Variants in CAMTA1 observed in about 807,000 individuals in gnomAD.
The protein encoded by CAMTA1 is calmodulin-binding transcription activator 1.
A neutral mutation model predicts 170.9 loss-of-function variants in CAMTA1; 27 were observed. The observed-to-expected ratio is 0.16, with a 90% CI of 0.12 to 0.22. The LOEUF is 0.22. Ranked by LOEUF, CAMTA1 falls within the 10% of genes least tolerant of loss-of-function variation. The pLI, the probability that CAMTA1 is intolerant of heterozygous loss-of-function variation, is 1.00. For missense variants in CAMTA1, 1,619 were observed against 2,217.2 expected, an observed-to-expected ratio of 0.73 and a Z score of 5.42; for synonymous variants, 833 against 891.5, an observed-to-expected ratio of 0.93 and a Z score of 1.17.
At position 7,680,721 on chromosome 1, in the gene CAMTA1, A is replaced by G. The variant is rs1231838336; in HGVS notation, c.2914+2988A>G. On this transcript the variant is annotated intron_variant, in intron 11 of 22. Transcript: ENST00000303635. The surrounding 1 kb of genome is among the most constrained non-coding windows in gnomAD (Gnocchi z 4.4). ...GGATGCGCCCTTTGTCCCCTCTGCC[A>G]TGCGCGGGGGAAAATGTTTGAGGGC... Among the ~76,000 whole-genome samples the G allele has an allele frequency of 6.6e-6, 1 of 151,496 alleles. No individual in the cohort carries two copies. The highest frequency in any genetic ancestry group is 1.5e-5 in the Non-Finnish European group (1 of 67,790).
intron 5 of CAMTA1, among the ~76,000 whole-genome samples, chr1:7,331,840 C>T (rs185254404): frequency 6.6e-6 from 1 of 152,334 alleles, no homozygotes; most frequent in African/African-American, 2.4e-5. Flanking sequence ...GGGTAACTTA[C>T]ATGTCCCTCG....
At chr1:7,541,687 C>T (rs1340104232) in intron 6 of CAMTA1, among the ~76,000 whole-genome samples, 4 of 152,232 alleles carry the variant, frequency 2.6e-5, no homozygotes, top group South Asian at 2.1e-4. Flanking sequence ...GTTACACGGG[C>T]GCGTTCCCCC....
intron 4 of CAMTA1, among the ~76,000 whole-genome samples, chr1:7,156,417 G>C (rs1329031325): frequency 1.3e-5 from 2 of 152,158 alleles, no homozygotes; most frequent in Non-Finnish European, 2.9e-5. Flanking sequence ...TGGGATCAGA[G>C]AGACAGGCGA....
At chr1:7,420,893 G>A (rs190695827) in intron 5 of CAMTA1, among the ~76,000 whole-genome samples, 1 of 152,288 alleles carries the variant, frequency 6.6e-6, no homozygotes, top group Non-Finnish European at 1.5e-5. Flanking sequence ...CTGGACTTGA[G>A]CCTGAAGCAC....
At chr1:6,786,472 T>A (rs1639409887) in intron 1 of CAMTA1, among the ~76,000 whole-genome samples, 1 of 152,142 alleles carries the variant, frequency 6.6e-6, no homozygotes, top group African/African-American at 2.4e-5. Context: ...TGGATTCTTT[T>A]GGGGCCTCTG....
intron 5 of CAMTA1, among the ~76,000 whole-genome samples, chr1:7,296,111 G>C (rs930464031): frequency 1.3e-5 from 2 of 152,192 alleles, no homozygotes; most frequent in Non-Finnish European, 2.9e-5. Context: ...TGCCATGTGG[G>C]CCTCTCCATG....
chr1:7,015,227 G>T (rs1700359846), intron 3 of CAMTA1, among the ~76,000 whole-genome samples: 1 of 152,168 alleles, frequency 6.6e-6, no homozygotes, highest in Non-Finnish European at 1.5e-5. Context: ...GACCGAGTGG[G>T]ATCAGTTGAG....
Position 6,999,483 on chromosome 1 carries a change from G to A in CAMTA1, c.235-91821G>A, listed in dbSNP as rs117954328. 8.5e-5 allele frequency among the ~76,000 whole-genome samples: 13 copies of A among 152,220 alleles called. No homozygotes were observed. The East Asian group carries it at 2.1e-3, about 25-fold the overall frequency. On this transcript the variant is annotated intron_variant, in intron 3 of 22. Coordinates refer to ENST00000303635, the MANE Select transcript of CAMTA1 (RefSeq NM_015215.4). ...ACTGCAACCTCTGCCTGTCAGGCTCGGGTGATCCTCCTATCTCAGTCTCCC... is the reference window on the plus strand; with the variant it reads ...ACTGCAACCTCTGCCTGTCAGGCTCAGGTGATCCTCCTATCTCAGTCTCCC...
intron 6 of CAMTA1, among the ~76,000 whole-genome samples, chr1:7,607,550 T>A (rs1306327115): frequency 6.6e-6 from 1 of 151,242 alleles, no homozygotes; most frequent in African/African-American, 2.4e-5. Flanking sequence ...AGTGGATGGG[T>A]AGTGCATATA....
Position 7,547,888 on chromosome 1 carries a change from C to T in CAMTA1, c.510+79987C>T, listed in dbSNP as rs189112389. Among the ~76,000 whole-genome samples the T allele has an allele frequency of 5.9e-5, 9 of 152,200 alleles. No homozygotes were observed. The highest frequency in any genetic ancestry group is 4.2e-4 in the South Asian group (2 of 4,808). ...AAGGGCACTCCACTGTGTGGACCCC[C>T]CACTCACCCGTCAATATGCCCTTAT... On this transcript the variant is annotated intron_variant, in intron 6 of 22. Transcript: ENST00000303635. The surrounding 1 kb of genome is among the most constrained non-coding windows in gnomAD (Gnocchi z 5.7).
intron 5 of CAMTA1, among the ~76,000 whole-genome samples, chr1:7,457,152 C>G (rs1232678102): frequency 6.7e-6 from 1 of 150,248 alleles, no homozygotes; most frequent in East Asian, 2.0e-4. Flanking sequence ...AACTCTTTCT[C>G]TAAATCTAAA....
chr1:7,310,808 G>A (rs1308266695), intron 5 of CAMTA1, among the ~76,000 whole-genome samples: 3 of 150,046 alleles, frequency 2.0e-5, no homozygotes, highest in Non-Finnish European at 4.4e-5. Flanking sequence ...TCAGCTCACT[G>A]CAACTTCCGC....
intron 3 of CAMTA1, among the ~76,000 whole-genome samples, chr1:7,085,971 T>C (rs895114510): frequency 2.0e-5 from 3 of 152,146 alleles, no homozygotes; most frequent in East Asian, 1.9e-4. Flanking sequence ...TGTGTCTTGT[T>C]TGGGGCCTTG....
At chr1:7,373,801 T>C (rs845218) in intron 5 of CAMTA1, among the ~76,000 whole-genome samples, 128,018 of 152,188 alleles carry the variant, frequency 0.84, 54,953 homozygotes, top group East Asian at 1. Context: ...TTGTTCTCAG[T>C]GCATGGAATC....
At chr1:7,071,126 C>A (rs1251924797) in intron 3 of CAMTA1, among the ~76,000 whole-genome samples, 6 of 152,308 alleles carry the variant, frequency 3.9e-5, no homozygotes, top group Non-Finnish European at 8.8e-5. Flanking sequence ...TCCTCCTCCT[C>A]TCCTCAAACA....
chr1:6,932,774 C>A (rs1473558774), intron 3 of CAMTA1, among the ~76,000 whole-genome samples: 2 of 152,150 alleles, frequency 1.3e-5, no homozygotes, highest in Admixed American at 6.5e-5. Context: ...CTGCATTTAG[C>A]CATACCCATG....
chr1:7,643,584 G>C (rs950614231), intron 7 of CAMTA1, among the ~76,000 whole-genome samples: 9 of 152,322 alleles, frequency 5.9e-5, no homozygotes, highest in African/African-American at 1.9e-4. Flanking sequence ...TGAACTCCAG[G>C]GGGTGGAAAC....
chr1:6,983,708 G>A (rs1694818681), intron 3 of CAMTA1, among the ~76,000 whole-genome samples: 1 of 152,126 alleles, frequency 6.6e-6, no homozygotes, highest in Non-Finnish European at 1.5e-5. Flanking sequence ...ATGGGTGAGT[G>A]GATGGTTGAA....
At chr1:7,365,306 A>G (rs1334814641) in intron 5 of CAMTA1, among the ~76,000 whole-genome samples, 1 of 152,180 alleles carries the variant, frequency 6.6e-6, no homozygotes, top group Non-Finnish European at 1.5e-5. Context: ...AATTATCTCT[A>G]GAGTTTTATT....
Sources: allele counts gnomAD v4.1 joint callset (sites outside exome capture counted in the v4.1 genomes callset), GRCh38; gene constraint gnomAD v4.1.1; non-coding constraint Gnocchi (gnomAD v3.1); transcripts MANE v1.5; gene names NCBI Gene and HGNC (gene_info 2026-07-23, HGNC 2026-07-21).